Variants in ZCCHC2 observed in about 807,000 individuals in gnomAD.
ZCCHC2 encodes zinc finger CCHC domain-containing protein 2.
In ZCCHC2, 39 loss-of-function variants were observed where a neutral mutation model predicts 103.6. The ratio of observed to expected loss-of-function variants is 0.38; its 90% CI spans 0.29 to 0.49. The LOEUF is 0.49. Ranked by LOEUF, ZCCHC2 falls within the 20% of genes least tolerant of loss-of-function variation. The pLI is 0.96. For synonymous variants in ZCCHC2, 687 were observed against 608.9 expected (o/e 1.13, Z -1.89); for missense variants, 1,483 against 1,491.0 (o/e 0.99, Z 0.09).
At chr18:62,565,188 A>G in intron 11 of ZCCHC2, 92 bp downstream of exon 11, 4 of 933,668 alleles carry the variant, frequency 4.3e-6, no homozygotes, top group Non-Finnish European at 6.6e-6. Flanking sequence ...TGTTGTGTCA[A>G]ATCCTAATAC....
At chr18:62,541,360 C>A (rs1266163851) in intron 2 of ZCCHC2, among the ~76,000 whole-genome samples, 1 of 152,146 alleles carries the variant, frequency 6.6e-6, no homozygotes, top group Non-Finnish European at 1.5e-5. Flanking sequence ...TGTCTTTTCC[C>A]CTGTGTATTT....
intron 1 of ZCCHC2, among the ~76,000 whole-genome samples, chr18:62,529,738 C>G (rs992543276): frequency 1.3e-5 from 2 of 152,028 alleles, no homozygotes; most frequent in African/African-American, 4.8e-5. Flanking sequence ...TGGTGGGAGG[C>G]GGGAGCGGGT....
At position 62,574,800 on chromosome 18, in the gene ZCCHC2, C is replaced by T. The variant is rs771063391; in HGVS notation, c.2719C>T (p.Leu907Phe). Reference protein sequence around the residue: ...NVKVVLPAAGLSAAQPPASYP... With the variant: ...NVKVVLPAAGFSAAQPPASYP... Reference sequence around the variant, plus strand: ...GAAGGTAGTTCTTCCAGCAGCTGGCCTCTCAGCTGCTCAGCCACCAGCTTC... The same window carrying T: ...GAAGGTAGTTCTTCCAGCAGCTGGCTTCTCAGCTGCTCAGCCACCAGCTTC... The change falls in exon 13 of 14, where the codon CTC becomes TTC. Residue 907 changes from leucine (L) to phenylalanine (F), a missense_variant. By Grantham distance (22) the Leu-to-Phe change is conservative (BLOSUM62 0). Transcript: ENST00000269499. 6.2e-7 allele frequency: 1 copy of T among 1,613,996 alleles called. No homozygotes were observed. The highest frequency in any genetic ancestry group is 8.5e-7 in the Non-Finnish European group (1 of 1,179,888).
intron 4 of ZCCHC2, among the ~76,000 whole-genome samples, chr18:62,549,181 T>C (rs931618108): frequency 6.6e-6 from 1 of 151,264 alleles, no homozygotes; most frequent in African/African-American, 2.4e-5. Context: ...ATCGCGCCAC[T>C]GCGCTCCAGC....
At chr18:62,566,547 A>G (rs1384677100) in intron 11 of ZCCHC2, among the ~76,000 whole-genome samples, 1 of 152,200 alleles carries the variant, frequency 6.6e-6, no homozygotes, top group Admixed American at 6.5e-5. Flanking sequence ...TTTGTTTTCT[A>G]AAATACCATT....
At chr18:62,535,989 T>G (rs1914905532) in intron 1 of ZCCHC2, among the ~76,000 whole-genome samples, 1 of 152,234 alleles carries the variant, frequency 6.6e-6, no homozygotes, top group Admixed American at 6.5e-5. Context: ...ATAGTCTATA[T>G]CGAGGGACTA....
At position 62,558,021 on chromosome 18, in the gene ZCCHC2, T is replaced by G. The variant is rs1915966287; in HGVS notation, c.1409-666T>G. Among the ~76,000 whole-genome samples the G allele has an allele frequency of 2.0e-4, 18 of 90,882 alleles. No homozygotes were observed. In the South Asian group the frequency reaches 7.7e-3, roughly 39 times the overall value. The allele number at this position is 90,882 out of a possible 152,430, so 59.6% of individuals were successfully genotyped here. On this transcript the variant is annotated intron_variant, in intron 6 of 13. Transcript: ENST00000269499. ...GGTTCATTTGCATACACTGTTGGGT[T>G]TTTTTTTTTTAATTGATAGCTTTAT...
chr18:62,549,113 G>A (rs1915548996), intron 4 of ZCCHC2, among the ~76,000 whole-genome samples: 1 of 152,094 alleles, frequency 6.6e-6, no homozygotes, highest in South Asian at 2.1e-4. Flanking sequence ...CAGCTACTCG[G>A]GAGGCTGAGG....
intron 4 of ZCCHC2, among the ~76,000 whole-genome samples, chr18:62,548,953 C>T (rs761811024): frequency 6.6e-6 from 1 of 151,938 alleles, no homozygotes; most frequent in Non-Finnish European, 1.5e-5. Flanking sequence ...GGCGTGGTGG[C>T]TCACGCCTGT....
intron 4 of ZCCHC2, 105 bp downstream of exon 4, chr18:62,544,978 G>A (rs1014326523): frequency 1.1e-6 from 1 of 943,196 alleles, no homozygotes. Context: ...ACAGATAAAG[G>A]TTGGCTCAGA....
downstream of ZCCHC2, chr18:62,578,724 C>T (rs1916955243): frequency 6.6e-6 from 1 of 151,958 alleles, no homozygotes; most frequent in East Asian, 1.9e-4. Context: ...GCAGTGAATC[C>T]CAAAGTTATT....
chr18:62,571,968 C>G (rs1336736961), intron 12 of ZCCHC2, among the ~76,000 whole-genome samples: 1 of 152,222 alleles, frequency 6.6e-6, no homozygotes, highest in African/African-American at 2.4e-5. Flanking sequence ...ACCAATTCTT[C>G]TAATCTGAGG....
At chr18:62,539,047 C>T (rs17070075) in intron 1 of ZCCHC2, among the ~76,000 whole-genome samples, 1,686 of 152,144 alleles carry the variant, frequency 0.011, 51 homozygotes, top group East Asian at 0.074. Context: ...TGATTTCTGG[C>T]GAGCTGTTTG....
rs1418193818 is a variant in ZCCHC2, at chr18:62,558,725, G to A, written c.1447G>A (p.Glu483Lys). 3 of 1,549,364 alleles carry A rather than the reference G, an allele frequency of 1.9e-6. No individual in the cohort carries two copies. Among genetic ancestry groups the A allele is most frequent in the African/African-American group, 2.7e-5 (2 of 72,926 alleles). Residue 483 changes from glutamate (E) to lysine (K), a missense_variant, in exon 7 of 14, where the codon GAA (glutamate) becomes AAA (lysine). This residue lies in a region of ZCCHC2 where 884 missense variants were observed against 907.5 expected (regional missense o/e 0.97). Transcript: ENST00000269499. ...CTCTCTGAAGACTTCTAAGATATTAGAACACTTAAAAGAAGACAGCTCTGA... is the reference window on the plus strand; with the variant it reads ...CTCTCTGAAGACTTCTAAGATATTAAAACACTTAAAAGAAGACAGCTCTGA... The part of the protein sequence containing the change: ...QSSLKTSKIL[E>K]HLKEDSSEAS...
rs536063202 is a variant in ZCCHC2 at position 62,578,454 on chromosome 18, A to G, written c.*1875A>G. On this transcript the variant is annotated 3_prime_UTR_variant, in exon 14 of 14. Coordinates refer to ENST00000269499, the MANE Select transcript of ZCCHC2 (RefSeq NM_017742.6). ...GGTATGTTACCTTCTCCTTATTTGT[A>G]TGTTTACCATATACTTTGATATTTG... 1 of 152,696 alleles carries G rather than the reference A, an allele frequency of 6.5e-6. No homozygotes were observed. The highest frequency in any genetic ancestry group is 1.9e-4 in the East Asian group (1 of 5,184). The allele number at this position is 152,696 out of a possible 1,614,324, so 9.5% of individuals were successfully genotyped here. A position where few individuals can be genotyped will look rare whatever the true frequency, so the allele number is the denominator to read the frequency against.
chr18:62,545,094 A>G (rs116693102), intron 4 of ZCCHC2, among the ~76,000 whole-genome samples: 355 of 152,304 alleles, frequency 2.3e-3, no homozygotes, highest in African/African-American at 8.3e-3. Context: ...CTACATTTAA[A>G]AAAAATGGAG....
exon 15 of ZCCHC2, chr18:62,585,715 CACAG>C (rs1284632855): frequency 5.3e-5 from 8 of 152,096 alleles, no homozygotes; most frequent in African/African-American, 9.7e-5. Flanking sequence ...AAACCTGGCA[CACAG>C]ACATAAAGCA....
chr18:62,580,304 A>G (rs960165265), downstream of ZCCHC2, among the ~76,000 whole-genome samples: 1 of 152,218 alleles, frequency 6.6e-6, no homozygotes, highest in African/African-American at 2.4e-5. Context: ...GTTACAAACA[A>G]GTCTGCTGGG....
intron 3 of ZCCHC2, among the ~76,000 whole-genome samples, chr18:62,542,847 C>T (rs932793069): frequency 6.6e-6 from 1 of 152,116 alleles, no homozygotes; most frequent in East Asian, 1.9e-4. Context: ...TTTAAAAATG[C>T]CATTGTGTTT....
Sources: gnomAD v4.1 joint callset for allele counts (sites outside exome capture counted in the v4.1 genomes callset) on GRCh38, gnomAD v4.1.1 for gene constraint, gnomAD v4.1.1 regional missense constraint, MANE v1.5 for transcripts, NCBI Gene and HGNC (gene_info 2026-07-23, HGNC 2026-07-21) for gene names.